SPTBN1: variants seen among roughly 807,000 people sequenced by gnomAD.
SPTBN1 encodes the protein spectrin beta, non-erythrocytic 1, also known as spectrin beta chain, non-erythrocytic 1.
In SPTBN1, 32 loss-of-function variants were observed where a neutral mutation model predicts 266.4. The observed-to-expected ratio is 0.12, with a 90% CI of 0.09 to 0.16. SPTBN1 has a LOEUF of 0.16. Ranked by LOEUF, SPTBN1 falls within the 10% of genes least tolerant of loss-of-function variation. The pLI is 1.00. For synonymous variants in SPTBN1, 1,336 were observed against 1,162.2 expected (o/e 1.15, Z -3.04); for missense variants, 2,296 against 3,067.1 (o/e 0.75, Z 5.94).
chr2:54,521,758 A>G (rs918599256), intron 1 of SPTBN1, among the ~76,000 whole-genome samples: 1 of 152,212 alleles, frequency 6.6e-6, no homozygotes, highest in South Asian at 2.1e-4. Context: ...TCCTGGGCTC[A>G]AGTGATCTGG....
rs533574444 is a variant in SPTBN1 at position 54,482,661 on chromosome 2, C to T, written c.-48+26143C>T. 3.9e-5 allele frequency among the ~76,000 whole-genome samples: 6 copies of T among 152,156 alleles called. No homozygotes were observed. The East Asian group carries it at 7.7e-4, about 20-fold the overall frequency. On this transcript the variant is annotated intron_variant, in intron 1 of 35. Coordinates refer to ENST00000356805, the MANE Select transcript of SPTBN1 (RefSeq NM_003128.3). ...TTCCTCAGTCACACTAGCCACATTT[C>T]GAATGCTCAGTAGCCACACATGGCT...
chr2:54,505,921 G>A (rs1393336723), intron 1 of SPTBN1, among the ~76,000 whole-genome samples: 1 of 151,938 alleles, frequency 6.6e-6, no homozygotes, highest in Admixed American at 6.5e-5. Context: ...TCAGGAGATC[G>A]AGACCATCCT....
At chr2:54,594,431 T>C (rs1232961963) in intron 2 of SPTBN1, among the ~76,000 whole-genome samples, 1 of 152,210 alleles carries the variant, frequency 6.6e-6, no homozygotes, top group Non-Finnish European at 1.5e-5. Context: ...AGAGATGATC[T>C]AAAGTATACA....
At chr2:54,542,651 C>A (rs563508665) in intron 2 of SPTBN1, among the ~76,000 whole-genome samples, 27 of 152,182 alleles carry the variant, frequency 1.8e-4, no homozygotes, top group Non-Finnish European at 3.8e-4. Flanking sequence ...CAGGGAGGAA[C>A]GCCATTTTAG....
chr2:54,456,820 C>G (rs887435355), intron 1 of SPTBN1, among the ~76,000 whole-genome samples: 1 of 151,254 alleles, frequency 6.6e-6, no homozygotes, highest in Non-Finnish European at 1.5e-5. Flanking sequence ...CCGTCCGGCC[C>G]CAGCCCCGGC....
intron 7 of SPTBN1, among the ~76,000 whole-genome samples, chr2:54,619,943 A>T (rs1250638173): frequency 6.6e-6 from 1 of 152,178 alleles, no homozygotes; most frequent in Non-Finnish European, 1.5e-5. Flanking sequence ...GGCGATAGGA[A>T]TGGGGGTGTA....
Position 54,649,236 on chromosome 2 carries a change from G to T in SPTBN1, c.5202+46G>T. 6.5e-7 allele frequency: 1 copy of T among 1,545,008 alleles called. No homozygotes were observed. Among genetic ancestry groups the T allele is most frequent in the Non-Finnish European group, 8.8e-7 (1 of 1,136,944 alleles). On this transcript the variant is annotated intron_variant, in intron 25 of 35. Transcript: ENST00000356805. This position sits in a 1 kb window ranked among gnomAD's most constrained non-coding sequence, Gnocchi z 6.7. ...ATGAGTTGGTTGTGCAGTAAGCGAT[G>T]GTGTGGAAGGCCATTTGCATTCCTT...
At chr2:54,589,647 C>T (rs1425435000) in intron 2 of SPTBN1, among the ~76,000 whole-genome samples, 2 of 152,180 alleles carry the variant, frequency 1.3e-5, no homozygotes, top group Non-Finnish European at 2.9e-5. Flanking sequence ...TTATACAAAT[C>T]AGCAAACATG....
At chr2:54,606,500 C>A (rs1676847884) in intron 3 of SPTBN1, among the ~76,000 whole-genome samples, 1 of 152,196 alleles carries the variant, frequency 6.6e-6, no homozygotes, top group Non-Finnish European at 1.5e-5. Flanking sequence ...CCCTGAACAG[C>A]AAAAATGTCA....
intron 2 of SPTBN1, among the ~76,000 whole-genome samples, chr2:54,537,208 G>A (rs556700032): frequency 2.6e-5 from 4 of 152,136 alleles, no homozygotes; most frequent in African/African-American, 4.8e-5. Flanking sequence ...CCTTGACTCA[G>A]CTCACATGTG....
intron 3 of SPTBN1, among the ~76,000 whole-genome samples, chr2:54,606,903 AC>A (rs1166698547): frequency 6.6e-6 from 1 of 152,232 alleles, no homozygotes; most frequent in Non-Finnish European, 1.5e-5. Context: ...AATCAGAGTT[AC>A]AGAATTTTAG....
chr2:54,662,169 G>C, intron 32 of SPTBN1: 1 of 985,326 alleles, frequency 1.0e-6, no homozygotes, highest in Non-Finnish European at 1.2e-6. Flanking sequence ...CGTGGGGGGT[G>C]GGGTTGCGAG....
intron 11 of SPTBN1, 147 bp from the exon 12 acceptor site, chr2:54,625,785 T>G (rs950411914): frequency 1.2e-5 from 10 of 840,550 alleles, no homozygotes; most frequent in Admixed American, 5.8e-5. Context: ...GAGACAGGGT[T>G]TCACAATGTT....
At chr2:54,486,156 C>T (rs1340122735) in intron 1 of SPTBN1, among the ~76,000 whole-genome samples, 1 of 137,114 alleles carries the variant, frequency 7.3e-6, no homozygotes, top group East Asian at 2.4e-4. Flanking sequence ...GGCGCCTCTG[C>T]CCGGCCGCCC....
At position 54,628,408 on chromosome 2, in the gene SPTBN1, T is replaced by A. The variant is rs1678496192; in HGVS notation, c.1798+158T>A. On this transcript the variant is annotated intron_variant, in intron 13 of 35. Coordinates refer to ENST00000356805, the MANE Select transcript of SPTBN1 (RefSeq NM_003128.3). The surrounding 1 kb of genome is among the most constrained non-coding windows in gnomAD (Gnocchi z 4.3). ...GTGGAGTGGCCTTCTGAACACTAACTCCATCTTGTTTTTCTGGAATTGATA... is the reference window on the plus strand; with the variant it reads ...GTGGAGTGGCCTTCTGAACACTAACACCATCTTGTTTTTCTGGAATTGATA... Among the ~76,000 whole-genome samples, 1 of 152,190 alleles carries A rather than the reference T, an allele frequency of 6.6e-6. No homozygotes were observed. The highest frequency in any genetic ancestry group is 1.5e-5 in the Non-Finnish European group (1 of 68,022).
intron 2 of SPTBN1, among the ~76,000 whole-genome samples, chr2:54,565,333 A>C (rs1673592886): frequency 6.6e-6 from 1 of 152,222 alleles, no homozygotes; most frequent in Non-Finnish European, 1.5e-5. Context: ...TATGTTTTTT[A>C]GAACAAAATT....
chr2:54,489,550 A>G (rs1176508211), intron 1 of SPTBN1, among the ~76,000 whole-genome samples: 4 of 152,118 alleles, frequency 2.6e-5, no homozygotes, highest in Non-Finnish European at 1.5e-5. Context: ...AAATACAAAA[A>G]TTAGCCAGGC....
rs2103941508 is a variant in SPTBN1 at position 54,631,464 on chromosome 2, T to C, written c.3417T>C (p.Phe1139=). The C allele has an allele frequency of 1.2e-6, 2 of 1,614,250 alleles. No homozygotes were observed. The highest frequency in any genetic ancestry group is 1.7e-6 in the Non-Finnish European group (2 of 1,180,040). The change falls in exon 16 of 36, where the codon TTT becomes TTC. Residue 1139 remains phenylalanine (F), a synonymous_variant. Coordinates refer to ENST00000356805, the MANE Select transcript of SPTBN1 (RefSeq NM_003128.3). ...TQGQTDAQYM[F]LRQRLQALDT... ...GGCAGACCGATGCCCAGTACATGTT[T>C]CTGCGGCAGCGGCTGCAGGCCCTGG...
In SPTBN1 at chr2:54,653,723, G is replaced by A; in HGVS notation, c.5692G>A (p.Asp1898Asn). The part of the protein sequence containing the change: ...EVLEAWKSLL[D>N]ACESRRVRLV... ...CCTGGAAGCCTGGAAGTCCCTCCTGGACGCCTGTGAGAGCCGCAGGGTGCG... is the reference window on the plus strand; with the variant it reads ...CCTGGAAGCCTGGAAGTCCCTCCTGAACGCCTGTGAGAGCCGCAGGGTGCG... Residue 1898 changes from aspartate (D) to asparagine (N), a missense_variant, in exon 27 of 36, where the codon GAC becomes AAC. By Grantham distance (23) the Asp-to-Asn change is conservative. Transcript: ENST00000356805. The surrounding 1 kb of genome is among the most constrained non-coding windows in gnomAD (Gnocchi z 5.1). 6.2e-7 allele frequency: 1 copy of A among 1,614,240 alleles called. No homozygotes were observed. The highest frequency in any genetic ancestry group is 8.5e-7 in the Non-Finnish European group (1 of 1,180,032).
Sources: allele counts gnomAD v4.1 joint callset (sites outside exome capture counted in the v4.1 genomes callset), GRCh38; gene constraint gnomAD v4.1.1; non-coding constraint Gnocchi (gnomAD v3.1); transcripts MANE v1.5; gene names NCBI Gene and HGNC (gene_info 2026-07-23, HGNC 2026-07-21).